The following FGD6 variants were observed in gnomAD, a reference collection of about 807,000 sequenced individuals.
FGD6 encodes the protein FYVE, RhoGEF and PH domain-containing protein 6.
Under a neutral mutation model 149.4 loss-of-function variants are expected in FGD6, and 90 were observed. The ratio of observed to expected loss-of-function variants is 0.60; its 90% CI spans 0.51 to 0.72. FGD6 has a LOEUF of 0.72. Among genes scored for constraint, FGD6 ranks in the 30% least tolerant of loss-of-function variants. The probability of loss-of-function intolerance (pLI) is 0.00; values close to 1 mark genes in which losing one functional copy is unlikely to be tolerated. For synonymous variants in FGD6, 527 were observed against 584.0 expected, an observed-to-expected ratio of 0.90 and a Z score of 1.41; for missense variants, 1,437 against 1,684.8, an observed-to-expected ratio of 0.85 and a Z score of 2.57.
At chr12:95,203,569 T>G (rs1439921069) in intron 2 of FGD6, among the ~76,000 whole-genome samples, 5 of 152,220 alleles carry the variant, frequency 3.3e-5, no homozygotes, top group African/African-American at 1.2e-4. Context: ...GACAACTAAT[T>G]AGTAAAACCA....
chr12:95,179,191 C>T (rs1313842631), intron 2 of FGD6, among the ~76,000 whole-genome samples: 4 of 152,006 alleles, frequency 2.6e-5, no homozygotes, highest in East Asian at 1.9e-4. Context: ...GAATTGTATG[C>T]TACTGACTAA....
At chr12:95,193,026 A>G (rs1375002054) in intron 2 of FGD6, among the ~76,000 whole-genome samples, 2 of 152,180 alleles carry the variant, frequency 1.3e-5, no homozygotes, top group Non-Finnish European at 2.9e-5. Context: ...GTGTGCAGAC[A>G]CTGGGTCACT....
chr12:95,088,133 A>AC (rs1877938160), intron 18 of FGD6, among the ~76,000 whole-genome samples: 1 of 152,208 alleles, frequency 6.6e-6, no homozygotes, highest in Non-Finnish European at 1.5e-5. Flanking sequence ...AATAGCCATG[A>AC]CTAGACCTAT....
At chr12:95,095,927 T>C (rs1878218247) in intron 14 of FGD6, among the ~76,000 whole-genome samples, 1 of 151,872 alleles carries the variant, frequency 6.6e-6, no homozygotes, top group Non-Finnish European at 1.5e-5. Flanking sequence ...GGCAGGAGAA[T>C]TGCTTGAACC....
intron 2 of FGD6, among the ~76,000 whole-genome samples, chr12:95,201,993 CACACACAT>C (rs1004206603): frequency 1.4e-4 from 19 of 132,026 alleles, no homozygotes; most frequent in African/African-American, 5.6e-4. Flanking sequence ...CACACACACA[CACACACAT>C]CTTCTTCTTC....
At chr12:95,201,436 T>G (rs960232968) in intron 2 of FGD6, among the ~76,000 whole-genome samples, 2 of 152,222 alleles carry the variant, frequency 1.3e-5, no homozygotes, top group African/African-American at 2.4e-5. Flanking sequence ...CTATCACATT[T>G]TTCATATATT....
At chr12:95,144,891 T>C (rs1227367977) in intron 5 of FGD6, among the ~76,000 whole-genome samples, 1 of 151,362 alleles carries the variant, frequency 6.6e-6, no homozygotes, top group East Asian at 1.9e-4. Context: ...GATTTCACCA[T>C]GTTGGCCAGC....
Position 95,111,584 on chromosome 12 carries a change from C to T in FGD6, c.3133+2067G>A, listed in dbSNP as rs79142707. On this transcript the variant is annotated intron_variant, in intron 9 of 20. Coordinates refer to ENST00000343958, the MANE Select transcript of FGD6 (RefSeq NM_018351.4). ...TCCTCTCACCCACTCTCCCACTCAT[C>T]TCCAGTCCTACTTTTTCCTGCAAAG... is the stretch of plus-strand genomic sequence containing the variant. Among the ~76,000 whole-genome samples the T allele has an allele frequency of 2.6e-3, 402 of 152,276 alleles. 4 individuals carry two copies. The South Asian group carries it at 0.028, about 11-fold the overall frequency.
At chr12:95,199,614 C>CTT (rs35515272) in intron 2 of FGD6, among the ~76,000 whole-genome samples, 25,721 of 128,496 alleles carry the variant, frequency 0.2, 2,871 homozygotes, top group African/African-American at 0.24. Context: ...GAAAAGCTAC[C>CTT]TTTTTTTTTT....
At chr12:95,085,302 C>T (rs1166699074) in intron 19 of FGD6, among the ~76,000 whole-genome samples, 2 of 149,654 alleles carry the variant, frequency 1.3e-5, no homozygotes, top group Non-Finnish European at 3.0e-5. Context: ...GCAACCTCTG[C>T]CTCCCGGGTT....
Position 95,210,730 on chromosome 12 carries a change from T to C in FGD6, c.554A>G (p.Asp185Gly). 15 of 1,613,964 alleles carry C rather than the reference T, an allele frequency of 9.3e-6. No homozygotes were observed. Among genetic ancestry groups the C allele is most frequent in the Non-Finnish European group, 1.3e-5 (15 of 1,179,990 alleles). ...AGGTGGCATTTGGTGTATTAAGGCA[T>C]CTTTGAGCTCCTCTTCTAAAACGCT... ...KASVLEEELKDALIHQMPPFI... is the reference protein window; with the variant it reads ...KASVLEEELKGALIHQMPPFI... Residue 185 changes from aspartate to glycine, a missense_variant, in exon 2 of 21, where the codon GAT becomes GGT. This residue lies in a region of FGD6 where 1,055 missense variants were observed against 1,146.0 expected (regional missense o/e 0.92). Coordinates refer to ENST00000343958, the MANE Select transcript of FGD6 (RefSeq NM_018351.4).
At chr12:95,094,792 C>A in intron 14 of FGD6, 98 bp from the exon 15 acceptor site, 1 of 810,240 alleles carries the variant, frequency 1.2e-6, no homozygotes, top group Admixed American at 2.1e-5. Flanking sequence ...CCACCACCCT[C>A]CAACAATACC....
intron 3 of FGD6, among the ~76,000 whole-genome samples, chr12:95,163,529 A>G (rs1180354535): frequency 6.6e-6 from 1 of 152,208 alleles, no homozygotes. Flanking sequence ...TTCTGCACAT[A>G]GCACGCTGCT....
intron 18 of FGD6, among the ~76,000 whole-genome samples, chr12:95,089,198 C>T (rs775185680): frequency 1.8e-4 from 27 of 152,168 alleles, no homozygotes; most frequent in Non-Finnish European, 3.2e-4. Flanking sequence ...CCAACCAATG[C>T]CTACAAATAA....
intron 14 of FGD6, among the ~76,000 whole-genome samples, chr12:95,095,689 G>C (rs1878211379): frequency 6.6e-6 from 1 of 152,042 alleles, no homozygotes; most frequent in Admixed American, 6.6e-5. Flanking sequence ...AAAGTCTGTA[G>C]TTTAATTTAC....
intron 14 of FGD6, among the ~76,000 whole-genome samples, chr12:95,097,968 G>T (rs1221504967): frequency 3.3e-5 from 5 of 152,204 alleles, no homozygotes; most frequent in African/African-American, 1.2e-4. Context: ...AGGACTTAAA[G>T]AGTTACAGGA....
intron 2 of FGD6, among the ~76,000 whole-genome samples, chr12:95,207,088 C>T (rs2056696513): frequency 1.3e-5 from 2 of 151,410 alleles, no homozygotes; most frequent in African/African-American, 2.4e-5. Flanking sequence ...CCCTACATGT[C>T]GTGGGAGGGA....
At chr12:95,157,566 CAAAAAAA>C (rs71078615) in intron 3 of FGD6, among the ~76,000 whole-genome samples, 1 of 113,304 alleles carries the variant, frequency 8.8e-6, no homozygotes, top group South Asian at 3.1e-4. Context: ...AACTCTGTCT[CAAAAAAA>C]AAAAAAAAAA....
At position 95,209,253 on chromosome 12, in the gene FGD6, C is replaced by T; in HGVS notation, c.2031G>A (p.Leu677=). Residue 677 remains leucine (L), a synonymous_variant, in exon 2 of 21, where the codon TTG becomes TTA. Coordinates refer to ENST00000343958, the MANE Select transcript of FGD6 (RefSeq NM_018351.4). ...QKGIESDWQG[L]LVGEEKRSKP... ...TACTTCTCTTCTCCTCTCCTACCAA[C>T]AAGCCTTGCCAATCACTTTCAATCC... 1 of 1,614,152 alleles carries T rather than the reference C, an allele frequency of 6.2e-7. No homozygotes were observed. Among genetic ancestry groups the T allele is most frequent in the South Asian group, 1.1e-5 (1 of 91,076 alleles).
Sources: allele counts gnomAD v4.1 joint callset (sites outside exome capture counted in the v4.1 genomes callset), GRCh38; gene constraint gnomAD v4.1.1; regional missense constraint gnomAD v4.1.1; transcripts MANE v1.5; gene names NCBI Gene and HGNC (gene_info 2026-07-23, HGNC 2026-07-21).